The following ALDH7A1 variants were observed in gnomAD, a reference collection of about 807,000 sequenced individuals.
ALDH7A1 encodes aldehyde dehydrogenase 7 family member A1, also known as alpha-aminoadipic semialdehyde dehydrogenase.
In ALDH7A1, 63 loss-of-function variants were observed where a neutral mutation model predicts 79.9. The observed-to-expected ratio is 0.79, with a 90% CI of 0.64 to 0.97. ALDH7A1 has a LOEUF of 0.97. ALDH7A1 is among the 50% of genes least tolerant of loss of function. The pLI is 0.00. For synonymous variants in ALDH7A1, 240 were observed against 231.2 expected, an observed-to-expected ratio of 1.04 and a Z score of -0.34; for missense variants, 627 against 665.2, an observed-to-expected ratio of 0.94 and a Z score of 0.63.
intron 7 of ALDH7A1, among the ~76,000 whole-genome samples, chr5:126,571,718 T>C (rs930940964): frequency 6.6e-6 from 1 of 151,742 alleles, no homozygotes; most frequent in Non-Finnish European, 1.5e-5. Context: ...CCTAGAACGA[T>C]GAAGGAAATT....
intron 3 of ALDH7A1, among the ~76,000 whole-genome samples, chr5:126,585,282 G>T (rs1751322784): frequency 6.6e-6 from 1 of 152,138 alleles, no homozygotes; most frequent in African/African-American, 2.4e-5. Flanking sequence ...TGGATGACAA[G>T]AGTGAAATTC....
At chr5:126,548,868 T>C (rs1749886730) in intron 16 of ALDH7A1, among the ~76,000 whole-genome samples, 1 of 135,910 alleles carries the variant, frequency 7.4e-6, no homozygotes, top group African/African-American at 2.8e-5. Flanking sequence ...AAGACCAGCC[T>C]GGGCAACATA....
Position 126,595,193 on chromosome 5 carries a change from C to CCA in ALDH7A1, c.4_5dup (p.Trp2CysfsTer42). ...GCACACACAGCGCGCGAGGAAGGCG[C>CCA]CACATACTGAGCCCGGGACTCGGGA... On this transcript the variant is annotated frameshift_variant, in exon 1 of 18. Transcript: ENST00000409134. LOFTEE classifies it high-confidence loss of function. 1 of 1,552,016 alleles carries CCA rather than the reference C, an allele frequency of 6.4e-7. No homozygotes were observed. Among genetic ancestry groups the CCA allele is most frequent in the Non-Finnish European group, 8.7e-7 (1 of 1,147,106 alleles).
At chr5:126,589,471 GT>G (rs1037387607) in intron 3 of ALDH7A1, among the ~76,000 whole-genome samples, 1 of 150,540 alleles carries the variant, frequency 6.6e-6, no homozygotes. Context: ...TTTTGTTTTT[GT>G]TTTTTTTAAG....
chr5:126,591,209 T>C (rs2112813968), intron 3 of ALDH7A1, among the ~76,000 whole-genome samples: 2 of 152,286 alleles, frequency 1.3e-5, no homozygotes, highest in South Asian at 4.1e-4. Context: ...TTGGACAGTA[T>C]TCTCTATCCA....
At chr5:126,568,474 GTC>G (rs1324012199) in intron 8 of ALDH7A1, 118 bp from the exon 9 acceptor site, 14 of 890,232 alleles carry the variant, frequency 1.6e-5, no homozygotes, top group Non-Finnish European at 2.2e-5. Context: ...CTACAAGAAA[GTC>G]TGTCCCAGGG....
chr5:126,555,840 A>G (rs1750175096), intron 12 of ALDH7A1, 91 bp downstream of exon 12: 2 of 1,068,868 alleles, frequency 1.9e-6, no homozygotes, highest in East Asian at 5.0e-5. Flanking sequence ...CTCTCAGGAA[A>G]GGGAAAGAAA....
At chr5:126,551,965 A>T in intron 14 of ALDH7A1, 56 bp downstream of exon 14, 2 of 1,359,974 alleles carry the variant, frequency 1.5e-6, no homozygotes, top group East Asian at 4.6e-5. Context: ...ATCCACCATC[A>T]TTTTCCTCTT....
intron 2 of ALDH7A1, 30 bp from the exon 3 acceptor site, chr5:126,592,759 G>A (rs1430729424): frequency 1.3e-6 from 2 of 1,587,998 alleles, no homozygotes; most frequent in Non-Finnish European, 1.7e-6. Flanking sequence ...GACAGAAAGG[G>A]GGAAATAAAG....
intron 5 of ALDH7A1, chr5:126,581,896 T>A (rs1226368953): frequency 9.9e-6 from 3 of 303,566 alleles, no homozygotes; most frequent in African/African-American, 6.5e-5. Context: ...AAGAATCGCT[T>A]GAACCCGGGA....
In ALDH7A1 at chr5:126,592,834, G is replaced by A. The variant is rs1217742998; in HGVS notation, c.247-105C>T. On this transcript the variant is annotated intron_variant, in intron 2 of 17. Transcript: ENST00000409134. ...AGAAAAGAGTTGGGAAATCTCTAGGGTTCCCTAACATTTATGGCTGAGAAT... is the reference window on the plus strand; with the variant it reads ...AGAAAAGAGTTGGGAAATCTCTAGGATTCCCTAACATTTATGGCTGAGAAT... 2.6e-6 allele frequency: 3 copies of A among 1,144,952 alleles called. No homozygotes were observed. The East Asian group carries it at 7.5e-5, about 28-fold the overall frequency. The allele number at this position is 1,144,952 out of a possible 1,614,324, so 70.9% of individuals were successfully genotyped here.
chr5:126,558,420 T>G (rs578249679), intron 11 of ALDH7A1, among the ~76,000 whole-genome samples: 169 of 152,316 alleles, frequency 1.1e-3, no homozygotes, highest in African/African-American at 4.0e-3. Context: ...TATATGTATA[T>G]AGAGAGGTCA....
intron 13 of ALDH7A1, among the ~76,000 whole-genome samples, chr5:126,553,926 G>A (rs942717096): frequency 6.6e-6 from 1 of 151,868 alleles, no homozygotes; most frequent in African/African-American, 2.4e-5. Context: ...TGGCTAACAT[G>A]GGAAACCCCA....
At chr5:126,572,623 G>A (rs1750813368) in intron 7 of ALDH7A1, among the ~76,000 whole-genome samples, 1 of 152,188 alleles carries the variant, frequency 6.6e-6, no homozygotes, top group African/African-American at 2.4e-5. Context: ...AGCTATTAAT[G>A]GGAATGCCAT....
chr5:126,583,756 C>A (rs1311166954), intron 4 of ALDH7A1, among the ~76,000 whole-genome samples, 176 bp downstream of exon 4: 2 of 151,564 alleles, frequency 1.3e-5, no homozygotes, highest in Non-Finnish European at 2.9e-5. Flanking sequence ...AGGGGAATTG[C>A]TGGAACATGG....
chr5:126,568,400 C>T (rs954530541), intron 8 of ALDH7A1, 44 bp from the exon 9 acceptor site: 1 of 1,502,512 alleles, frequency 6.7e-7, no homozygotes, highest in Non-Finnish European at 9.3e-7. Flanking sequence ...CAGAGAAACC[C>T]AGCAATTACA....
intron 7 of ALDH7A1, among the ~76,000 whole-genome samples, chr5:126,573,505 C>G (rs900116807): frequency 1.2e-4 from 18 of 152,124 alleles, no homozygotes; most frequent in African/African-American, 4.3e-4. Flanking sequence ...CGAGACCATC[C>G]TGGCCAACAT....
intron 9 of ALDH7A1, among the ~76,000 whole-genome samples, chr5:126,563,210 A>T (rs1750460757): frequency 6.6e-6 from 1 of 152,238 alleles, no homozygotes; most frequent in African/African-American, 2.4e-5. Flanking sequence ...CTCTACTTAC[A>T]ATTTGATAGT....
chr5:126,553,234 C>G (rs1177915149), intron 13 of ALDH7A1: 3 of 152,178 alleles, frequency 2.0e-5, no homozygotes, highest in Non-Finnish European at 4.4e-5. Flanking sequence ...GACTCCGTTT[C>G]TTCTATGTCC....
Sources: gnomAD v4.1 joint callset for allele counts (sites outside exome capture counted in the v4.1 genomes callset) on GRCh38, gnomAD v4.1.1 for gene constraint, MANE v1.5 for transcripts, NCBI Gene and HGNC (gene_info 2026-07-23, HGNC 2026-07-21) for gene names.